Variants in PTPRN2 observed in about 807,000 individuals in gnomAD.
PTPRN2 encodes protein tyrosine phosphatase receptor type N2.
PTPRN2 carries 74 observed loss-of-function variants against 118.8 expected under a neutral mutation model. That is an observed-to-expected ratio of 0.62 (90% CI 0.52 to 0.76). PTPRN2 has a LOEUF of 0.76. Ranked by LOEUF, PTPRN2 falls within the 30% of genes least tolerant of loss-of-function variation. The pLI is 0.00. For missense variants in PTPRN2, 1,481 were observed against 1,394.4 expected, an observed-to-expected ratio of 1.06 and a Z score of -0.99; for synonymous variants, 641 against 608.0, an observed-to-expected ratio of 1.05 and a Z score of -0.80.
In PTPRN2 at chr7:158,333,212, C is replaced by T. The variant is rs1228583404; in HGVS notation, c.164-16280G>A. On this transcript the variant is annotated intron_variant, in intron 2 of 22. Coordinates refer to ENST00000389418, the MANE Select transcript of PTPRN2 (RefSeq NM_002847.5). ...CACTCTCACCATAAGAGCTGTCGCCCGCAGACGTGACTCACACCCACACTC... is the reference window on the plus strand; with the variant it reads ...CACTCTCACCATAAGAGCTGTCGCCTGCAGACGTGACTCACACCCACACTC... 3.6e-4 allele frequency among the ~76,000 whole-genome samples: 33 copies of T among 91,434 alleles called. 4 individuals carry two copies. Among genetic ancestry groups the T allele is most frequent in the African/African-American group, 9.4e-4 (20 of 21,166 alleles). The allele number at this position is 91,434 out of a possible 152,430, so 60.0% of individuals were successfully genotyped here.
At chr7:158,223,709 T>A (rs907326280) in intron 3 of PTPRN2, among the ~76,000 whole-genome samples, 10 of 152,198 alleles carry the variant, frequency 6.6e-5, no homozygotes, top group Non-Finnish European at 1.3e-4. Flanking sequence ...TCACTGTACT[T>A]AATGGTGAGT....
Position 158,138,305 on chromosome 7 carries a change from T to A in PTPRN2, c.1121A>T (p.Asp374Val). 1 of 1,612,962 alleles carries A rather than the reference T, an allele frequency of 6.2e-7. No homozygotes were observed. Among genetic ancestry groups the A allele is most frequent in the Non-Finnish European group, 8.5e-7 (1 of 1,179,990 alleles). The change falls in exon 7 of 23, where the codon GAC becomes GTC. Residue 374 changes from aspartate (D) to valine (V), a missense_variant. Around this residue, in one of 3 missense-constraint regions of PTPRN2, gnomAD observed 1,115 missense variants for 994.2 expected, o/e 1.12. Transcript: ENST00000389418. ...ADGPKATLRG[D>V]SFPDDGVQDD... is the part of the protein sequence containing the mutation. ...GGCGCTGCAGTCACCTGGAAAGCTG[T>A]CTCCACGGAGGGTGGCCTTGGGGCC...
At position 158,061,813 on chromosome 7, in the gene PTPRN2, G is replaced by A. The variant is rs556890580; in HGVS notation, c.1723+19485C>T. 2.0e-5 allele frequency among the ~76,000 whole-genome samples: 3 copies of A among 152,390 alleles called. No individual in the cohort carries two copies. In the East Asian group the frequency reaches 5.8e-4, roughly 29 times the overall value. On this transcript the variant is annotated intron_variant, in intron 11 of 22. Transcript: ENST00000389418. ...TGAAACATCACACAAGACGCTCTGA[G>A]CAGGAACCCACTAGTGACAGGGCCC...
At chr7:158,424,485 A>G (rs906449205) in intron 2 of PTPRN2, among the ~76,000 whole-genome samples, 7 of 152,214 alleles carry the variant, frequency 4.6e-5, no homozygotes, top group African/African-American at 1.4e-4. Context: ...CCGGAGATGA[A>G]TATTAGTGAA....
rs1387898246 is a variant in PTPRN2 at position 158,293,747 on chromosome 7, CTTTT to C, written c.277+23068_277+23071del. On this transcript the variant is annotated intron_variant, in intron 3 of 22. Coordinates refer to ENST00000389418, the MANE Select transcript of PTPRN2 (RefSeq NM_002847.5). ...TTACACTTTTCTTCCACTTTTAAAACTTTTTTGTTAAAAAAAAAAAAACTAAGAC... is the reference window on the plus strand; with the variant it reads ...TTACACTTTTCTTCCACTTTTAAAACTTGTTAAAAAAAAAAAAACTAAGAC... 2.3e-4 allele frequency among the ~76,000 whole-genome samples: 14 copies of C among 61,056 alleles called. No homozygotes were observed. In the South Asian group the frequency reaches 0.011, roughly 47 times the overall value. The allele number at this position is 61,056 out of a possible 152,430, so 40.1% of individuals were successfully genotyped here.
At chr7:158,203,705 T>G (rs1292738043) in intron 4 of PTPRN2, among the ~76,000 whole-genome samples, 1 of 152,156 alleles carries the variant, frequency 6.6e-6, no homozygotes, top group Non-Finnish European at 1.5e-5. Flanking sequence ...CTTGATGGAG[T>G]TCAAGGTCAT....
intron 3 of PTPRN2, among the ~76,000 whole-genome samples, chr7:158,276,378 G>A (rs1453389501): frequency 2.6e-4 from 4 of 15,370 alleles, no homozygotes; most frequent in Admixed American, 1.4e-3. Context: ...CCCACACCCC[G>A]GCCCCAACAG....
At chr7:158,126,854 C>T (rs964206971) in intron 9 of PTPRN2, among the ~76,000 whole-genome samples, 11 of 152,208 alleles carry the variant, frequency 7.2e-5, no homozygotes, top group Non-Finnish European at 1.5e-4. Flanking sequence ...CCACCTCCTT[C>T]CAGACTTCTG....
chr7:158,325,992 G>A (rs1387503624), intron 2 of PTPRN2, among the ~76,000 whole-genome samples: 2 of 152,202 alleles, frequency 1.3e-5, no homozygotes, highest in South Asian at 2.1e-4. Context: ...GGCCTCCTGG[G>A]GGTGTCCCAG....
rs972576076 is a variant in PTPRN2, at chr7:157,764,113, G to A, written c.1789-81176C>T. On this transcript the variant is annotated intron_variant, in intron 12 of 22. Transcript: ENST00000389418. The surrounding 1 kb of genome is among the most constrained non-coding windows in gnomAD (Gnocchi z 4.5). ...AAAAACGTGCTGGCGAGAATGCTGA[G>A]GAATCGTAACTGGCACACTCTGCAG... 6.6e-6 allele frequency among the ~76,000 whole-genome samples: 1 copy of A among 152,272 alleles called. No individual in the cohort carries two copies. Among genetic ancestry groups the A allele is most frequent in the Middle Eastern group, 3.4e-3 (1 of 294 alleles).
intron 14 of PTPRN2, among the ~76,000 whole-genome samples, chr7:157,623,761 C>T (rs921525369): frequency 2.0e-5 from 3 of 152,152 alleles, no homozygotes; most frequent in African/African-American, 4.8e-5. Flanking sequence ...TGCAGAGGCA[C>T]GTGACTCTAT....
At chr7:157,679,817 C>A (rs917397) in intron 13 of PTPRN2, among the ~76,000 whole-genome samples, 1 of 151,924 alleles carries the variant, frequency 6.6e-6, no homozygotes, top group Non-Finnish European at 1.5e-5. Context: ...CCCCAGGTCA[C>A]GCGGGAAGTG....
intron 5 of PTPRN2, among the ~76,000 whole-genome samples, chr7:158,171,325 A>G (rs1363971649): frequency 3.1e-5 from 4 of 128,358 alleles, no homozygotes; most frequent in Non-Finnish European, 6.4e-5. Context: ...ATATATATAT[A>G]TATATATATA....
At chr7:157,593,231 G>C (rs912408835) in intron 17 of PTPRN2, among the ~76,000 whole-genome samples, 3 of 150,898 alleles carry the variant, frequency 2.0e-5, no homozygotes, top group Non-Finnish European at 3.0e-5. Context: ...ACCGAGGGTG[G>C]ATGTGGGCAT....
At chr7:158,247,831 GT>G (rs1336660080) in intron 3 of PTPRN2, among the ~76,000 whole-genome samples, 1 of 152,114 alleles carries the variant, frequency 6.6e-6, no homozygotes, top group Admixed American at 6.5e-5. Flanking sequence ...GGCCAGGCTG[GT>G]CTCGAACTCC....
At chr7:157,589,925 G>A (rs976393252) in intron 17 of PTPRN2, among the ~76,000 whole-genome samples, 1 of 152,322 alleles carries the variant, frequency 6.6e-6, no homozygotes, top group Admixed American at 6.5e-5. Flanking sequence ...TGCCGAGGAC[G>A]GCTTTTTCTG....
intron 11 of PTPRN2, among the ~76,000 whole-genome samples, chr7:158,047,518 GCCTGCAGTCACTGAGGGTGCGAGGGCTA>G (rs1808971889): frequency 6.6e-6 from 1 of 152,102 alleles, no homozygotes; most frequent in South Asian, 2.1e-4. Flanking sequence ...TGTGAGGGCT[GCCTGCAGTCACTGAGGGTGCGAGGGCTA>G]CCTGCAGTCA....
chr7:157,847,049 A>C (rs1808875854), intron 12 of PTPRN2, among the ~76,000 whole-genome samples: 1 of 149,310 alleles, frequency 6.7e-6, no homozygotes, highest in East Asian at 2.0e-4. Context: ...ATGTTTACAG[A>C]GCCCTCTCTC....
chr7:157,773,575 G>C (rs1024346188), intron 12 of PTPRN2, among the ~76,000 whole-genome samples: 1 of 152,234 alleles, frequency 6.6e-6, no homozygotes, highest in Non-Finnish European at 1.5e-5. Context: ...GCTTCACAAA[G>C]ATGTAGTGGG....
Sources: gnomAD v4.1 joint callset for allele counts (sites outside exome capture counted in the v4.1 genomes callset) on GRCh38, gnomAD v4.1.1 for gene constraint, gnomAD v4.1.1 regional missense constraint, Gnocchi (gnomAD v3.1) non-coding constraint, MANE v1.5 for transcripts, NCBI Gene and HGNC (gene_info 2026-07-23, HGNC 2026-07-21) for gene names.